Variants in ROBO2 observed in about 807,000 individuals in gnomAD.
ROBO2 encodes roundabout guidance receptor 2.
In ROBO2, 53 loss-of-function variants were observed where a neutral mutation model predicts 160.8. The ratio of observed to expected loss-of-function variants is 0.33; its 90% CI spans 0.26 to 0.41. The LOEUF is 0.41. Among genes scored for constraint, ROBO2 ranks in the 10% least tolerant of loss-of-function variants. The pLI, the probability that ROBO2 is intolerant of heterozygous loss-of-function variation, is 1.00. For synonymous variants in ROBO2, 664 were observed against 611.7 expected (o/e 1.09, Z -1.26); for missense variants, 1,577 against 1,722.4 (o/e 0.92, Z 1.49).
intron 5 of ROBO2, among the ~76,000 whole-genome samples, chr3:77,498,952 A>G (rs2153605212): frequency 6.6e-6 from 1 of 152,344 alleles, no homozygotes; most frequent in African/African-American, 2.4e-5. Context: ...ATTGTAAATG[A>G]CATCTAAAAA....
intron 2 of ROBO2, among the ~76,000 whole-genome samples, chr3:76,892,935 C>T (rs1032908403): frequency 6.6e-5 from 10 of 152,036 alleles, no homozygotes; most frequent in African/African-American, 2.2e-4. Flanking sequence ...AGGAAAATTC[C>T]CATCTGTTCC....
intron 2 of ROBO2, among the ~76,000 whole-genome samples, chr3:76,643,492 A>G (rs2090808939): frequency 6.6e-6 from 1 of 152,206 alleles, no homozygotes; most frequent in Non-Finnish European, 1.5e-5. Context: ...TTTAATAAGT[A>G]TATACTGTCC....
chr3:76,376,004 C>T (rs1165132454), intron 2 of ROBO2, among the ~76,000 whole-genome samples: 3 of 151,870 alleles, frequency 2.0e-5, no homozygotes, highest in East Asian at 1.9e-4. Flanking sequence ...TGCACTGTTT[C>T]GTAATATCTG....
intron 2 of ROBO2, among the ~76,000 whole-genome samples, chr3:76,999,397 A>G (rs890626649): frequency 6.6e-6 from 1 of 152,110 alleles, no homozygotes; most frequent in Non-Finnish European, 1.5e-5. Context: ...TCCAGATAAT[A>G]GTTTTCTTTA....
intron 2 of ROBO2, among the ~76,000 whole-genome samples, chr3:76,261,196 GTGTGTGTATA>G (rs1456619891): frequency 3.0e-4 from 38 of 125,232 alleles, no homozygotes; most frequent in Non-Finnish European, 5.8e-4. Context: ...GTGTGTGTGT[GTGTGTGTATA>G]TATATATATA....
intron 2 of ROBO2, among the ~76,000 whole-genome samples, chr3:77,418,377 C>A (rs55678577): frequency 3.3e-5 from 5 of 151,962 alleles, no homozygotes; most frequent in Admixed American, 6.6e-5. Context: ...ATTTTTATTG[C>A]GGTTATAAAT....
chr3:76,992,389 A>G (rs1559812480), intron 2 of ROBO2, among the ~76,000 whole-genome samples: 2 of 146,662 alleles, frequency 1.4e-5, no homozygotes, highest in Admixed American at 6.8e-5. Flanking sequence ...TTTGTAAAAA[A>G]AAAGTATATG....
chr3:77,318,929 CT>C (rs1304331156), intron 2 of ROBO2, among the ~76,000 whole-genome samples: 1 of 152,146 alleles, frequency 6.6e-6, no homozygotes, highest in East Asian at 1.9e-4. Context: ...ATTTGAGACT[CT>C]TTTCTTAGAT....
chr3:77,099,299 A>T (rs1578960879), intron 2 of ROBO2, among the ~76,000 whole-genome samples: 3 of 151,942 alleles, frequency 2.0e-5, no homozygotes, highest in Admixed American at 2.0e-4. Flanking sequence ...TCATGACCTC[A>T]GGTGATCCAC....
intron 2 of ROBO2, among the ~76,000 whole-genome samples, chr3:76,118,764 T>G (rs2070588557): frequency 6.6e-6 from 1 of 152,194 alleles, no homozygotes; most frequent in Non-Finnish European, 1.5e-5. Flanking sequence ...TCTTAGCAAT[T>G]TATGATTTCC....
intron 2 of ROBO2, among the ~76,000 whole-genome samples, chr3:76,117,761 A>T (rs188643271): frequency 3.3e-5 from 5 of 152,294 alleles, no homozygotes; most frequent in African/African-American, 1.2e-4. Context: ...GGGGAGACAG[A>T]TGTTGAATAT....
intron 2 of ROBO2, among the ~76,000 whole-genome samples, chr3:76,073,016 A>G (rs953990845): frequency 1.3e-5 from 2 of 152,110 alleles, no homozygotes; most frequent in African/African-American, 4.8e-5. Flanking sequence ...TCCACAAGAA[A>G]CCTTTATTTT....
intron 2 of ROBO2, among the ~76,000 whole-genome samples, chr3:76,667,235 T>C (rs1025107507): frequency 6.6e-6 from 1 of 152,294 alleles, no homozygotes; most frequent in East Asian, 1.9e-4. Context: ...TGGTTATTGA[T>C]AGATAACTGT....
At chr3:77,571,367 T>G (rs994498755) in intron 13 of ROBO2, among the ~76,000 whole-genome samples, 1 of 152,114 alleles carries the variant, frequency 6.6e-6, no homozygotes, top group Non-Finnish European at 1.5e-5. Context: ...ATAAGCCGTC[T>G]TCTTTTTTAG....
At chr3:76,701,893 G>T (rs1207068965) in intron 2 of ROBO2, among the ~76,000 whole-genome samples, 1 of 150,030 alleles carries the variant, frequency 6.7e-6, no homozygotes, top group Non-Finnish European at 1.5e-5. Context: ...TAAAGAAGTT[G>T]TTCGGAGAAC....
At chr3:77,392,912 A>T (rs1217749889) in intron 2 of ROBO2, among the ~76,000 whole-genome samples, 4 of 152,188 alleles carry the variant, frequency 2.6e-5, no homozygotes, top group African/African-American at 9.7e-5. Flanking sequence ...GATGCCACTA[A>T]AATTTGACCT....
intron 2 of ROBO2, among the ~76,000 whole-genome samples, chr3:76,808,031 T>C (rs1248711891): frequency 6.6e-6 from 1 of 152,046 alleles, no homozygotes; most frequent in African/African-American, 2.4e-5. Flanking sequence ...ATCAATACGA[T>C]GTTAAGAGAA....
intron 2 of ROBO2, among the ~76,000 whole-genome samples, chr3:77,214,503 A>G (rs996638988): frequency 1.3e-5 from 2 of 152,176 alleles, no homozygotes; most frequent in African/African-American, 4.8e-5. Flanking sequence ...TCCTGAATAC[A>G]GCACACTGAT....
At chr3:77,382,855 T>C (rs2153489194) in intron 2 of ROBO2, among the ~76,000 whole-genome samples, 1 of 152,220 alleles carries the variant, frequency 6.6e-6, no homozygotes, top group East Asian at 1.9e-4. Flanking sequence ...ATCTTTGGAT[T>C]TGTAAATTGT....
Sources: allele counts gnomAD v4.1 joint callset (sites outside exome capture counted in the v4.1 genomes callset), GRCh38; gene constraint gnomAD v4.1.1; transcripts MANE v1.5; gene names NCBI Gene and HGNC (gene_info 2026-07-23, HGNC 2026-07-21).